TBC1D22A: variants seen among roughly 807,000 people sequenced by gnomAD.
TBC1D22A encodes putative GTPase activator.
TBC1D22A carries 38 observed loss-of-function variants against 60.2 expected under a neutral mutation model. The ratio of observed to expected loss-of-function variants is 0.63; its 90% CI spans 0.49 to 0.83. The LOEUF (loss-of-function observed/expected upper bound fraction) is 0.83, where lower values mean the gene tolerates loss of function less well. Among genes scored for constraint, TBC1D22A ranks in the 40% least tolerant of loss-of-function variants. TBC1D22A has a pLI of 0.00. For missense variants in TBC1D22A, 628 were observed against 701.0 expected, an observed-to-expected ratio of 0.90 and a Z score of 1.18; for synonymous variants, 302 against 281.7, an observed-to-expected ratio of 1.07 and a Z score of -0.72.
chr22:46,840,368 A>G (rs2086698440), intron 4 of TBC1D22A, among the ~76,000 whole-genome samples: 1 of 152,246 alleles, frequency 6.6e-6, no homozygotes, highest in Non-Finnish European at 1.5e-5. Context: ...GGGGCTCAAC[A>G]TCACTAATCA....
rs571545909 is a variant in TBC1D22A at position 46,906,523 on chromosome 22, ACT to A, written c.901-5548_901-5547del. The stretch of plus-strand genomic sequence containing the variant: ...CTCAGGCCTCCTCTTAGTAGCAGAG[ACT>A]CTGCGCTGATGGCAGGCGCGGGAGC... On this transcript the variant is annotated intron_variant, in intron 7 of 12. Transcript: ENST00000337137. Among the ~76,000 whole-genome samples, 141 of 152,220 alleles carry A rather than the reference ACT, an allele frequency of 9.3e-4. 1 individual carries two copies. The highest frequency in any genetic ancestry group is 3.4e-3 in the Middle Eastern group (1 of 294).
At chr22:47,066,021 A>G (rs963869787) in intron 11 of TBC1D22A, among the ~76,000 whole-genome samples, 1 of 152,224 alleles carries the variant, frequency 6.6e-6, no homozygotes, top group Non-Finnish European at 1.5e-5. Context: ...GTCATGGGAG[A>G]TAAAGACTTG....
At chr22:46,907,213 C>T (rs1463228488) in intron 7 of TBC1D22A, among the ~76,000 whole-genome samples, 1 of 152,222 alleles carries the variant, frequency 6.6e-6, no homozygotes, top group Admixed American at 6.5e-5. Flanking sequence ...CTCCTCCTCC[C>T]TCCTCAGCTT....
At chr22:46,912,234 T>C in intron 8 of TBC1D22A, 46 bp downstream of exon 8, 1 of 1,350,212 alleles carries the variant, frequency 7.4e-7, no homozygotes, top group Non-Finnish European at 1.1e-6. Context: ...GTGGACTTGC[T>C]GTGTGTTACT....
chr22:46,889,795 T>C (rs988722318), intron 5 of TBC1D22A, among the ~76,000 whole-genome samples: 3 of 152,120 alleles, frequency 2.0e-5, no homozygotes, highest in East Asian at 3.8e-4. Flanking sequence ...GCCTCAGCCA[T>C]GCACAGTGAG....
chr22:47,079,271 G>T (rs1210759103), intron 11 of TBC1D22A, among the ~76,000 whole-genome samples: 1 of 152,014 alleles, frequency 6.6e-6, no homozygotes, highest in East Asian at 1.9e-4. Flanking sequence ...ATTTTTAGTA[G>T]AGATGGGGTT....
chr22:46,903,038 C>T (rs1186094489), intron 7 of TBC1D22A, among the ~76,000 whole-genome samples: 1 of 152,220 alleles, frequency 6.6e-6, no homozygotes, highest in African/African-American at 2.4e-5. Flanking sequence ...GCTGGGGCCG[C>T]CTCACGTCTC....
intron 8 of TBC1D22A, among the ~76,000 whole-genome samples, chr22:46,944,749 A>G (rs531615229): frequency 9.8e-5 from 15 of 152,290 alleles, no homozygotes; most frequent in East Asian, 3.9e-4. Context: ...TCTTTGATCT[A>G]TTATAACTTG....
intron 4 of TBC1D22A, among the ~76,000 whole-genome samples, chr22:46,868,655 T>G (rs1286467568): frequency 1.3e-5 from 2 of 152,212 alleles, no homozygotes; most frequent in Non-Finnish European, 1.5e-5. Context: ...GGTACTTGTC[T>G]TGATATTTCT....
intron 8 of TBC1D22A, among the ~76,000 whole-genome samples, chr22:46,933,626 G>T (rs11090916): frequency 0.046 from 6,545 of 143,324 alleles, 211 homozygotes; most frequent in African/African-American, 0.1. Context: ...AGAGACCACT[G>T]GGGGGGGGTT....
chr22:46,976,448 G>A (rs552488140), intron 9 of TBC1D22A, among the ~76,000 whole-genome samples: 6 of 152,216 alleles, frequency 3.9e-5, no homozygotes, highest in Non-Finnish European at 7.3e-5. Context: ...TGTGATTCCT[G>A]TAGATAAGGC....
intron 7 of TBC1D22A, among the ~76,000 whole-genome samples, chr22:46,899,543 C>T (rs1405455724): frequency 6.6e-6 from 1 of 152,158 alleles, no homozygotes; most frequent in African/African-American, 2.4e-5. Context: ...TTCAATACAT[C>T]TGCAAGTGAT....
rs115937867 is a variant in TBC1D22A at position 47,123,805 on chromosome 22, C to T, written c.1425+12202C>T. ...CTGAAGTGAATTGTGCCTTTGTGTG[C>T]GGGTTGCTGCATGTGTGAAAGTGTG... is the stretch of plus-strand genomic sequence containing the variant. On this transcript the variant is annotated intron_variant, in intron 12 of 12. Coordinates refer to ENST00000337137, the MANE Select transcript of TBC1D22A (RefSeq NM_014346.5). 8.3e-3 allele frequency among the ~76,000 whole-genome samples: 1,266 copies of T among 152,200 alleles called. 16 individuals carry two copies. Among genetic ancestry groups the T allele is most frequent in the African/African-American group, 0.029 (1,195 of 41,502 alleles).
chr22:46,879,596 TTAAA>T (rs1364635997), intron 5 of TBC1D22A, among the ~76,000 whole-genome samples: 2 of 152,234 alleles, frequency 1.3e-5, no homozygotes, highest in African/African-American at 4.8e-5. Flanking sequence ...TATTTATTGA[TTAAA>T]TATTCTTTTG....
At chr22:46,913,545 T>C in intron 8 of TBC1D22A, 2 of 1,229,994 alleles carry the variant, frequency 1.6e-6, no homozygotes, top group South Asian at 2.9e-5. Flanking sequence ...CTGCCTCGGC[T>C]CACTCCCTAA....
At chr22:46,832,026 G>T (rs377504924) in intron 4 of TBC1D22A, among the ~76,000 whole-genome samples, 1 of 152,212 alleles carries the variant, frequency 6.6e-6, no homozygotes, top group East Asian at 1.9e-4. Flanking sequence ...AGGATTTTAG[G>T]GAGGCAAGTC....
intron 4 of TBC1D22A, among the ~76,000 whole-genome samples, chr22:46,874,636 C>T (rs2067458057): frequency 8.2e-6 from 1 of 122,590 alleles, no homozygotes; most frequent in Admixed American, 1.1e-4. Flanking sequence ...TGCAGTGGTG[C>T]AGTCTTGGCT....
intron 12 of TBC1D22A, among the ~76,000 whole-genome samples, chr22:47,120,769 A>G (rs1287505142): frequency 6.6e-6 from 1 of 152,194 alleles, no homozygotes; most frequent in East Asian, 1.9e-4. Flanking sequence ...AAAATTCCTG[A>G]CCCCAGCTCA....
intron 12 of TBC1D22A, among the ~76,000 whole-genome samples, chr22:47,143,720 A>G (rs2147151930): frequency 6.6e-6 from 1 of 152,328 alleles, no homozygotes; most frequent in East Asian, 1.9e-4. Flanking sequence ...GTAGCTCTGC[A>G]TGCATCGCGT....
Sources: gnomAD v4.1 joint callset for allele counts (sites outside exome capture counted in the v4.1 genomes callset) on GRCh38, gnomAD v4.1.1 for gene constraint, MANE v1.5 for transcripts, NCBI Gene and HGNC (gene_info 2026-07-23, HGNC 2026-07-21) for gene names.